The following BMPR1A variants were observed in gnomAD, a reference collection of about 807,000 sequenced individuals.
BMPR1A encodes the protein bone morphogenetic protein receptor type 1A.
A neutral mutation model predicts 66.0 loss-of-function variants in BMPR1A; 7 were observed. The ratio of observed to expected loss-of-function variants is 0.11; its 90% CI spans 0.06 to 0.20. The LOEUF (loss-of-function observed/expected upper bound fraction) is 0.20, where lower values mean the gene tolerates loss of function less well. Among genes scored for constraint, BMPR1A ranks in the 10% least tolerant of loss-of-function variants. The probability of loss-of-function intolerance (pLI) is 1.00; values close to 1 mark genes in which losing one functional copy is unlikely to be tolerated. For synonymous variants in BMPR1A, 200 were observed against 229.7 expected, an observed-to-expected ratio of 0.87 and a Z score of 1.17; for missense variants, 408 against 669.1, an observed-to-expected ratio of 0.61 and a Z score of 4.31.
At position 86,802,518 on chromosome 10, in the gene BMPR1A, G is replaced by C. The variant is rs576327979; in HGVS notation, c.-267-36347G>C. 4.7e-3 allele frequency among the ~76,000 whole-genome samples: 716 copies of C among 152,198 alleles called. 4 individuals carry two copies. Among genetic ancestry groups the C allele is most frequent in the Non-Finnish European group, 8.3e-3 (565 of 68,010 alleles). Reference sequence around the variant, plus strand: ...AGAAACTAAAAATTTGACGTGGGATGTCACATTCAAATAAGCAGTTTTTTC... The same window carrying C: ...AGAAACTAAAAATTTGACGTGGGATCTCACATTCAAATAAGCAGTTTTTTC... On this transcript the variant is annotated intron_variant, in intron 1 of 12. Coordinates refer to ENST00000372037, the MANE Select transcript of BMPR1A (RefSeq NM_004329.3).
intron 1 of BMPR1A, among the ~76,000 whole-genome samples, chr10:86,830,608 A>G (rs1043688512): frequency 2.4e-4 from 37 of 151,930 alleles, no homozygotes; most frequent in African/African-American, 8.2e-4. Flanking sequence ...TCATGCGCGT[A>G]TTTGCCGTCT....
At chr10:86,903,636 G>C (rs1324137051) in intron 7 of BMPR1A, among the ~76,000 whole-genome samples, 2 of 151,702 alleles carry the variant, frequency 1.3e-5, no homozygotes, top group Admixed American at 6.6e-5. Context: ...TTTTGAGACA[G>C]AGTCTCGCTC....
At chr10:86,795,843 T>G (rs919596707) in intron 1 of BMPR1A, among the ~76,000 whole-genome samples, 2 of 152,204 alleles carry the variant, frequency 1.3e-5, no homozygotes, top group Admixed American at 1.3e-4. Context: ...TTTGAGAGCT[T>G]AAAGGTTATA....
chr10:86,897,380 A>G (rs961447296), intron 5 of BMPR1A, among the ~76,000 whole-genome samples: 9 of 152,170 alleles, frequency 5.9e-5, no homozygotes, highest in Admixed American at 1.3e-4. Context: ...ACCCAGATAC[A>G]TAGTTAACCT....
At chr10:86,835,249 G>GAAA (rs200647478) in intron 1 of BMPR1A, among the ~76,000 whole-genome samples, 1 of 117,394 alleles carries the variant, frequency 8.5e-6, no homozygotes, top group Non-Finnish European at 1.8e-5. Context: ...AAGAAAAAAA[G>GAAA]AAAAAAAAAA....
intron 2 of BMPR1A, among the ~76,000 whole-genome samples, chr10:86,874,817 T>C (rs1842899902): frequency 1.4e-5 from 2 of 145,808 alleles, no homozygotes; most frequent in Non-Finnish European, 3.0e-5. Context: ...CTCTGCCTCC[T>C]GGGTTCAAGT....
intron 7 of BMPR1A, among the ~76,000 whole-genome samples, chr10:86,907,489 C>G (rs751656259): frequency 6.6e-6 from 1 of 152,146 alleles, no homozygotes; most frequent in African/African-American, 2.4e-5. Flanking sequence ...TGGTATATAT[C>G]CAAAAGGAAA....
At chr10:86,855,616 T>G (rs902321718) in intron 2 of BMPR1A, 14 of 630,188 alleles carry the variant, frequency 2.2e-5, no homozygotes, top group Non-Finnish European at 3.7e-5. Context: ...GAGTATTTAC[T>G]TTCTGTAAAG....
chr10:86,886,731 A>G (rs1240306890), intron 3 of BMPR1A, among the ~76,000 whole-genome samples: 1 of 151,634 alleles, frequency 6.6e-6, no homozygotes, highest in East Asian at 1.9e-4. Context: ...GATGTAGCTT[A>G]GATTTCATTA....
At position 86,917,308 on chromosome 10, in the gene BMPR1A, C is replaced by G. The variant is rs765530074; in HGVS notation, c.850C>G (p.Arg284Gly). Reference sequence around the variant, plus strand: ...AGAAATCTACCAAACTGTGCTAATGCGCCATGAAAACATACTTGGTGGGTA... The same window carrying G: ...AGAAATCTACCAAACTGTGCTAATGGGCCATGAAAACATACTTGGTGGGTA... The part of the protein sequence containing the change: ...ETEIYQTVLM[R>G]HENILGFIAA... The change falls in exon 9 of 13, where the codon CGC becomes GGC. Residue 284 changes from arginine to glycine, a missense_variant. Arg to Gly is a moderately radical substitution (Grantham distance 125). Around this residue, in one of 5 missense-constraint regions of BMPR1A, gnomAD observed 174 missense variants for 265.1 expected, o/e 0.66. Transcript: ENST00000372037. 1.2e-6 allele frequency: 2 copies of G among 1,613,938 alleles called. No individual in the cohort carries two copies. Among genetic ancestry groups the G allele is most frequent in the Non-Finnish European group, 1.7e-6 (2 of 1,180,002 alleles).
chr10:86,930,695 C>A (rs191190978), downstream of BMPR1A: 2 of 152,184 alleles, frequency 1.3e-5, no homozygotes, highest in Admixed American at 6.5e-5. Context: ...AATTCCATAT[C>A]TCTCAATGTC....
intron 2 of BMPR1A, among the ~76,000 whole-genome samples, chr10:86,871,075 C>T (rs1357351476): frequency 2.6e-5 from 4 of 152,124 alleles, no homozygotes; most frequent in African/African-American, 9.7e-5. Context: ...CTTTTCTCTC[C>T]CTCAAGATCT....
chr10:86,791,046 A>G (rs567512899), intron 1 of BMPR1A, among the ~76,000 whole-genome samples: 2 of 152,352 alleles, frequency 1.3e-5, no homozygotes, highest in East Asian at 1.9e-4. Context: ...AATATTTACA[A>G]ATAATAAATG....
chr10:86,834,498 A>G (rs766748196), intron 1 of BMPR1A, among the ~76,000 whole-genome samples: 5 of 152,364 alleles, frequency 3.3e-5, no homozygotes, highest in Non-Finnish European at 5.9e-5. Flanking sequence ...TTTGTACACT[A>G]AAGTTCTTTT....
chr10:86,868,540 A>G (rs1314437189), intron 2 of BMPR1A, among the ~76,000 whole-genome samples: 4 of 152,336 alleles, frequency 2.6e-5, no homozygotes, highest in East Asian at 1.9e-4. Flanking sequence ...CAGTGAGTCT[A>G]TTCCTTCTCA....
At chr10:86,873,852 A>T (rs1245580375) in intron 2 of BMPR1A, among the ~76,000 whole-genome samples, 1 of 152,208 alleles carries the variant, frequency 6.6e-6, no homozygotes, top group Non-Finnish European at 1.5e-5. Flanking sequence ...AGCATTATGT[A>T]ATGGGAAACA....
rs955029159 is a variant in BMPR1A at position 86,871,923 on chromosome 10, G to T, written c.-152-3944G>T. ...GTGAGCAAAGTCCCTGGGTTCTTTTGGTTGTATCTCAAGTGGAGTGGTTGC... is the reference window on the plus strand; with the variant it reads ...GTGAGCAAAGTCCCTGGGTTCTTTTTGTTGTATCTCAAGTGGAGTGGTTGC... On this transcript the variant is annotated intron_variant, in intron 2 of 12. Coordinates refer to ENST00000372037, the MANE Select transcript of BMPR1A (RefSeq NM_004329.3). Among the ~76,000 whole-genome samples the T allele has an allele frequency of 7.9e-5, 12 of 152,166 alleles. 1 individual carries two copies. The East Asian group carries it at 2.3e-3, about 29-fold the overall frequency.
intron 1 of BMPR1A, among the ~76,000 whole-genome samples, chr10:86,812,224 C>T (rs921494398): frequency 1.4e-4 from 21 of 152,304 alleles, no homozygotes; most frequent in African/African-American, 5.1e-4. Context: ...TTCACCCCAA[C>T]TCTGGAAACC....
At chr10:86,861,394 T>C (rs1842713147) in intron 2 of BMPR1A, among the ~76,000 whole-genome samples, 1 of 152,202 alleles carries the variant, frequency 6.6e-6, no homozygotes, top group Admixed American at 6.5e-5. Flanking sequence ...GGAAGAATTG[T>C]TAAAAATCTA....
Sources: gnomAD v4.1 joint callset for allele counts (sites outside exome capture counted in the v4.1 genomes callset) on GRCh38, gnomAD v4.1.1 for gene constraint, gnomAD v4.1.1 regional missense constraint, MANE v1.5 for transcripts, NCBI Gene and HGNC (gene_info 2026-07-23, HGNC 2026-07-21) for gene names.